Variants in ZC3H7B observed in about 807,000 individuals in gnomAD.
ZC3H7B encodes the protein zinc finger CCCH domain-containing protein 7B.
In ZC3H7B, 35 loss-of-function variants were observed where a neutral mutation model predicts 116.0. The observed-to-expected ratio is 0.30, with a 90% CI of 0.23 to 0.40. ZC3H7B has a LOEUF of 0.40. Ranked by LOEUF, ZC3H7B falls within the 10% of genes least tolerant of loss-of-function variation. The probability of loss-of-function intolerance (pLI) is 1.00; values close to 1 mark genes in which losing one functional copy is unlikely to be tolerated. For missense variants in ZC3H7B, 1,011 were observed against 1,321.5 expected, an observed-to-expected ratio of 0.77 and a Z score of 3.64; for synonymous variants, 502 against 545.6, an observed-to-expected ratio of 0.92 and a Z score of 1.11.
chr22:41,331,203 C>T (rs1461339422), intron 6 of ZC3H7B, among the ~76,000 whole-genome samples: 2 of 147,320 alleles, frequency 1.4e-5, no homozygotes, highest in African/African-American at 5.0e-5. Flanking sequence ...GAGCCAAGAT[C>T]GCACCATTGC....
chr22:41,347,276 C>T (rs943975435), intron 14 of ZC3H7B, among the ~76,000 whole-genome samples: 1 of 152,238 alleles, frequency 6.6e-6, no homozygotes, highest in Non-Finnish European at 1.5e-5. Flanking sequence ...ACTGCTTAGC[C>T]GTCCCAAGCG....
intron 11 of ZC3H7B, among the ~76,000 whole-genome samples, chr22:41,341,831 AG>A (rs2036526473): frequency 1.3e-5 from 2 of 152,108 alleles, no homozygotes; most frequent in South Asian, 4.1e-4. Flanking sequence ...TGGGAGGCCG[AG>A]GTGTGCAGAT....
chr22:41,349,230 T>C lies in ZC3H7B; in HGVS notation c.1877T>C (p.Leu626Pro), dbSNP rs776492340. The C allele has an allele frequency of 6.2e-7, 1 of 1,613,464 alleles. No homozygotes were observed. The highest frequency in any genetic ancestry group is 1.7e-5 in the Admixed American group (1 of 60,018). Residue 626 changes from leucine (L) to proline (P), a missense_variant, in exon 16 of 23, where the codon CTG (leucine) becomes CCG (proline). Physicochemically the swap from Leu to Pro is moderately conservative, Grantham distance 98. Transcript: ENST00000352645. This position sits in a 1 kb window ranked among gnomAD's most constrained non-coding sequence, Gnocchi z 4.9. ...VCRHEVRYGC[L>P]REDSCHFAHS... Reference sequence around the variant, plus strand: ...CGCCATGAGGTGCGCTACGGCTGCCTGCGGGAGGACAGCTGCCACTTCGCC... The same window carrying C: ...CGCCATGAGGTGCGCTACGGCTGCCCGCGGGAGGACAGCTGCCACTTCGCC...
At chr22:41,312,706 G>A (rs2036133678) in intron 1 of ZC3H7B, among the ~76,000 whole-genome samples, 1 of 151,698 alleles carries the variant, frequency 6.6e-6, no homozygotes, top group Non-Finnish European at 1.5e-5. Context: ...CCAGGAATTC[G>A]AGACCAGCCT....
chr22:41,338,360 T>C lies in ZC3H7B; in HGVS notation c.625+5T>C. 1 of 1,613,436 alleles carries C rather than the reference T, an allele frequency of 6.2e-7. No individual in the cohort carries two copies. The highest frequency in any genetic ancestry group is 8.5e-7 in the Non-Finnish European group (1 of 1,179,752). ...CCATAGATGACATCGAAACAGGTAA[T>C]GTCCCCGATACGAGGGAACAAGTGG... On this transcript the variant is annotated splice_donor_5th_base_variant and intron_variant, in intron 8 of 22. Coordinates refer to ENST00000352645, the MANE Select transcript of ZC3H7B (RefSeq NM_017590.6). This position sits in a 1 kb window ranked among gnomAD's most constrained non-coding sequence, Gnocchi z 4.5.
chr22:41,343,051 T>C (rs1268629419), intron 12 of ZC3H7B, among the ~76,000 whole-genome samples: 1 of 152,174 alleles, frequency 6.6e-6, no homozygotes, highest in South Asian at 2.1e-4. Context: ...TGCTCGCTTA[T>C]AGTCCCAGCT....
chr22:41,307,321 C>T (rs1284280132), intron 1 of ZC3H7B, among the ~76,000 whole-genome samples: 2 of 152,174 alleles, frequency 1.3e-5, no homozygotes, highest in African/African-American at 2.4e-5. Context: ...AAAACAAGCT[C>T]ATTTTCCTTC....
intron 7 of ZC3H7B, among the ~76,000 whole-genome samples, chr22:41,337,756 C>T (rs991554577): frequency 2.6e-5 from 4 of 152,218 alleles, no homozygotes; most frequent in Non-Finnish European, 5.9e-5. Context: ...CCCTCAACCA[C>T]CCCTCCCTAG....
intron 1 of ZC3H7B, among the ~76,000 whole-genome samples, chr22:41,309,927 T>C (rs2036095518): frequency 6.6e-6 from 1 of 152,076 alleles, no homozygotes; most frequent in Non-Finnish European, 1.5e-5. Flanking sequence ...CATTGATGGC[T>C]GAGCACGGTG....
intron 1 of ZC3H7B, among the ~76,000 whole-genome samples, chr22:41,315,352 G>GGTT (rs1555954715): frequency 7.6e-5 from 9 of 118,884 alleles, no homozygotes; most frequent in African/African-American, 1.9e-4. Context: ...AATTTCTAGT[G>GGTT]TTTTTTTTTT....
chr22:41,303,601 C>T (rs961807650), intron 1 of ZC3H7B, among the ~76,000 whole-genome samples: 6 of 152,166 alleles, frequency 3.9e-5, no homozygotes, highest in Admixed American at 3.3e-4. Context: ...GTCAGGTAGA[C>T]ATTTTCTAGA....
intron 1 of ZC3H7B, among the ~76,000 whole-genome samples, chr22:41,319,271 C>T (rs937374322): frequency 6.6e-6 from 1 of 152,098 alleles, no homozygotes; most frequent in Non-Finnish European, 1.5e-5. Context: ...CATGGTGGCA[C>T]GTGCCTGTAG....
chr22:41,329,958 T>C, intron 5 of ZC3H7B, 65 bp from the exon 6 acceptor site: 1 of 1,569,336 alleles, frequency 6.4e-7, no homozygotes, highest in Non-Finnish European at 8.7e-7. Flanking sequence ...TGCACAGGTG[T>C]CCAGGAGCAC....
intron 11 of ZC3H7B, 47 bp downstream of exon 11, chr22:41,341,193 G>A (rs899275032): frequency 4.3e-6 from 7 of 1,610,302 alleles, no homozygotes; most frequent in Non-Finnish European, 1.7e-6. Flanking sequence ...CCTGCTGGGG[G>A]TTGTGGGTTC....
At chr22:41,356,154 G>A in intron 20 of ZC3H7B, 92 bp downstream of exon 20, 1 of 1,434,322 alleles carries the variant, frequency 7.0e-7, no homozygotes, top group Non-Finnish European at 9.4e-7. Flanking sequence ...AGCGTCCACT[G>A]CACCCCTTTG....
At chr22:41,317,128 G>T (rs58144661) in intron 1 of ZC3H7B, among the ~76,000 whole-genome samples, 6,209 of 151,992 alleles carry the variant, frequency 0.041, 423 homozygotes, top group African/African-American at 0.14. Flanking sequence ...GTGAGCCACC[G>T]TGCCTGGCCC....
At chr22:41,320,623 G>A in intron 1 of ZC3H7B, 32 bp from the exon 2 acceptor site, 1 of 1,613,412 alleles carries the variant, frequency 6.2e-7, no homozygotes, top group Non-Finnish European at 8.5e-7. Context: ...GGCTCTTGCT[G>A]ACTGACTGAT....
chr22:41,319,115 A>G (rs2036220345), intron 1 of ZC3H7B, among the ~76,000 whole-genome samples: 2 of 152,062 alleles, frequency 1.3e-5, no homozygotes, highest in Non-Finnish European at 2.9e-5. Flanking sequence ...CTAAAAATAC[A>G]AAAAGGCTGG....
chr22:41,327,081 A>C lies in ZC3H7B; in HGVS notation c.286-125A>C, dbSNP rs767334668. The stretch of plus-strand genomic sequence containing the variant: ...GAGCCTCGAGCCCTGTCCCTGACCC[A>C]AGACTTCAGCTCCTCTGTCTCTGCC... On this transcript the variant is annotated intron_variant, in intron 4 of 22. Coordinates refer to ENST00000352645, the MANE Select transcript of ZC3H7B (RefSeq NM_017590.6). This position sits in a 1 kb window ranked among gnomAD's most constrained non-coding sequence, Gnocchi z 4.5. The C allele has an allele frequency of 1.1e-5, 16 of 1,402,786 alleles. No homozygotes were observed. Among genetic ancestry groups the C allele is most frequent in the Middle Eastern group, 2.1e-4 (1 of 4,872 alleles). 86.9% of individuals were successfully genotyped at this position (1,402,786 alleles called of 1,614,324 possible).
Sources: gnomAD v4.1 joint callset for allele counts (sites outside exome capture counted in the v4.1 genomes callset) on GRCh38, gnomAD v4.1.1 for gene constraint, Gnocchi (gnomAD v3.1) non-coding constraint, MANE v1.5 for transcripts, NCBI Gene and HGNC (gene_info 2026-07-23, HGNC 2026-07-21) for gene names.